UQCRC2: variants seen among roughly 807,000 people sequenced by gnomAD.
UQCRC2 encodes the protein cytochrome b-c1 complex subunit 2, mitochondrial.
UQCRC2 carries 49 observed loss-of-function variants against 55.6 expected under a neutral mutation model. The ratio of observed to expected loss-of-function variants is 0.88; its 90% CI spans 0.70 to 1.12. The LOEUF is 1.12. Ranked by LOEUF, UQCRC2 falls within the 50% of genes most tolerant of loss-of-function variation. The pLI is 0.00. For synonymous variants in UQCRC2, 193 were observed against 192.0 expected (o/e 1.01, Z -0.04); for missense variants, 506 against 547.8 (o/e 0.92, Z 0.76).
At chr16:21,964,969 G>A (rs886904029) in intron 6 of UQCRC2, among the ~76,000 whole-genome samples, 6 of 152,146 alleles carry the variant, frequency 3.9e-5, no homozygotes, top group African/African-American at 1.4e-4. Flanking sequence ...AGCTCCCATT[G>A]GTCCCCTGAA....
chr16:21,957,594 T>C, intron 3 of UQCRC2, 28 bp downstream of exon 3: 4 of 1,609,264 alleles, frequency 2.5e-6, no homozygotes, highest in Non-Finnish European at 3.4e-6. Context: ...CTCAAGTGTT[T>C]GGAAATGCTG....
intron 12 of UQCRC2, among the ~76,000 whole-genome samples, chr16:21,978,187 A>G (rs983668559): frequency 2.0e-5 from 3 of 152,178 alleles, no homozygotes; most frequent in Non-Finnish European, 4.4e-5. Flanking sequence ...CCTGTAGTGA[A>G]AGAGAGAAAG....
At chr16:21,977,008 A>G (rs1424198579) in intron 12 of UQCRC2, 1 of 149,570 alleles carries the variant, frequency 6.7e-6, no homozygotes, top group African/African-American at 2.5e-5. Context: ...GTTAAGAGTT[A>G]TAAACATAAC....
chr16:21,969,781 C>T (rs977572212), intron 8 of UQCRC2, among the ~76,000 whole-genome samples: 2 of 151,996 alleles, frequency 1.3e-5, no homozygotes, highest in Non-Finnish European at 2.9e-5. Flanking sequence ...AGGGTGTGTT[C>T]ATCATCCCCC....
intron 4 of UQCRC2, 31 bp downstream of exon 4, chr16:21,958,630 A>G: frequency 1.3e-6 from 2 of 1,571,376 alleles, no homozygotes; most frequent in Non-Finnish European, 1.7e-6. Context: ...AAAATAGTGA[A>G]AATGCCAGAA....
chr16:21,958,894 T>C lies in UQCRC2; in HGVS notation c.332+295T>C, dbSNP rs377651028. Among the ~76,000 whole-genome samples the C allele has an allele frequency of 4.8e-4, 73 of 152,336 alleles. 1 individual carries two copies. The East Asian group carries it at 0.013, about 27-fold the overall frequency. ...TGCAGCAAAGCAAGTCATAGGAATT[T>C]TGTGGTTTCCCAGTGCATATAAAAG... On this transcript the variant is annotated intron_variant, in intron 4 of 13. Coordinates refer to ENST00000268379, the MANE Select transcript of UQCRC2 (RefSeq NM_003366.4).
At chr16:21,969,128 A>G (rs1245364277) in intron 8 of UQCRC2, among the ~76,000 whole-genome samples, 2 of 152,232 alleles carry the variant, frequency 1.3e-5, no homozygotes, top group African/African-American at 4.8e-5. Flanking sequence ...CAAAATTAAA[A>G]GATGGACTCT....
In UQCRC2 at chr16:21,957,463, A is replaced by C. The variant is rs776376969; in HGVS notation, c.164A>C (p.Tyr55Ser). 8.1e-6 allele frequency: 13 copies of C among 1,614,168 alleles called. No individual in the cohort carries two copies. Among genetic ancestry groups the C allele is most frequent in the Admixed American group, 3.3e-5 (2 of 60,014 alleles). Reference sequence around the variant, plus strand: ...TTGGTGATTGCTTCTTTGGAAAACTATTCTCCTGTATCAAGAATTGGTTTG... The same window carrying C: ...TTGGTGATTGCTTCTTTGGAAAACTCTTCTCCTGTATCAAGAATTGGTTTG... ...NGLVIASLEN[Y>S]SPVSRIGLFI... The change falls in exon 3 of 14, where the codon TAT becomes TCT. Residue 55 changes from tyrosine (Y) to serine (S), a missense_variant. Physicochemically the swap from Tyr to Ser is moderately radical, Grantham distance 144. Transcript: ENST00000268379.
At position 21,965,460 on chromosome 16, in the gene UQCRC2, C is replaced by T. The variant is rs777593291; in HGVS notation, c.567C>T (p.Pro189=). Residue 189 remains proline, a synonymous_variant, in exon 7 of 14, where the codon CCC becomes CCT. Transcript: ENST00000268379. ...AAAYRNALAN[P]LYCPDYRIGK... ...CTTACCGGAATGCCTTGGCTAATCCCTTGTATTGTCCTGACTATAGGATTG... is the reference window on the plus strand; with the variant it reads ...CTTACCGGAATGCCTTGGCTAATCCTTTGTATTGTCCTGACTATAGGATTG... The T allele has an allele frequency of 6.1e-5, 98 of 1,613,710 alleles. No individual in the cohort carries two copies. The highest frequency in any genetic ancestry group is 8.2e-5 in the Non-Finnish European group (97 of 1,179,922).
At position 21,973,725 on chromosome 16, in the gene UQCRC2, G is replaced by A. The variant is rs186735175; in HGVS notation, c.967-171G>A. Among the ~76,000 whole-genome samples the A allele has an allele frequency of 1.3e-5, 2 of 152,350 alleles. 1 individual carries two copies. Among genetic ancestry groups the A allele is most frequent in the Admixed American group, 1.3e-4 (2 of 15,302 alleles). On this transcript the variant is annotated intron_variant, in intron 10 of 13. Transcript: ENST00000268379. ...AAACAAAGCCGTGATAGTTCTGAAA[G>A]AGGTAACCTATTTACAGAATACTTC...
chr16:21,962,563 A>G, intron 5 of UQCRC2, 47 bp downstream of exon 5: 1 of 1,612,566 alleles, frequency 6.2e-7, no homozygotes, highest in Non-Finnish European at 8.5e-7. Context: ...AAGAAATACT[A>G]AGCTGCTCAC....
chr16:21,974,686 T>A (rs1898540245), intron 11 of UQCRC2, among the ~76,000 whole-genome samples: 1 of 152,146 alleles, frequency 6.6e-6, no homozygotes, highest in African/African-American at 2.4e-5. Context: ...GCAAGTTGTT[T>A]TAGGAGAGTT....
chr16:21,958,548 C>T lies in UQCRC2; in HGVS notation c.281C>T (p.Ala94Val). 1.2e-6 allele frequency: 2 copies of T among 1,612,124 alleles called. No homozygotes were observed. The highest frequency in any genetic ancestry group is 1.1e-5 in the South Asian group (1 of 90,448). Residue 94 changes from alanine (A) to valine (V), a missense_variant, in exon 4 of 14, where the codon GCT becomes GTT. Physicochemically the swap from Ala to Val is moderately conservative, Grantham distance 64. Coordinates refer to ENST00000268379, the MANE Select transcript of UQCRC2 (RefSeq NM_003366.4). ...TTCTTTTTCAAGACGACAAAAGGAG[C>T]TTCATCTTTCAAGATAACCCGTGGA... ...RLTSSLTTKG[A>V]SSFKITRGIE...
At chr16:21,982,441 A>G (rs1898755810) in intron 13 of UQCRC2, among the ~76,000 whole-genome samples, 1 of 152,186 alleles carries the variant, frequency 6.6e-6, no homozygotes, top group Non-Finnish European at 1.5e-5. Flanking sequence ...AGGAAAGTAT[A>G]TCCCTGCCTG....
intron 1 of UQCRC2, among the ~76,000 whole-genome samples, chr16:21,956,617 C>T (rs1456006495): frequency 1.3e-5 from 2 of 152,114 alleles, no homozygotes; most frequent in African/African-American, 4.8e-5. Flanking sequence ...TACACAGAAC[C>T]ATGAAACTTT....
At chr16:21,960,187 A>T (rs1045476798) in intron 4 of UQCRC2, among the ~76,000 whole-genome samples, 4 of 152,188 alleles carry the variant, frequency 2.6e-5, no homozygotes, top group African/African-American at 9.6e-5. Context: ...AGCATTGAAA[A>T]TCTGTGGTTT....
chr16:21,980,529 C>A lies in UQCRC2; in HGVS notation c.1125-18C>A. ...TTGCCTTGCTCTCTAAAACTGACTT[C>A]TGCCTTTTATTGGACAGGAACAAGC... On this transcript the variant is annotated intron_variant, in intron 12 of 13. Coordinates refer to ENST00000268379, the MANE Select transcript of UQCRC2 (RefSeq NM_003366.4). The A allele has an allele frequency of 1.2e-6, 2 of 1,607,724 alleles. No homozygotes were observed. The highest frequency in any genetic ancestry group is 1.7e-6 in the Non-Finnish European group (2 of 1,177,932).
At chr16:21,961,670 T>TATATATATATATATATA (rs1567470647) in intron 4 of UQCRC2, among the ~76,000 whole-genome samples, 4 of 48,740 alleles carry the variant, frequency 8.2e-5, no homozygotes, top group Admixed American at 2.5e-4. Context: ...ATATATATAT[T>TATATATATATATATATA]TTAGACAGTC....
At chr16:21,968,588 T>G in intron 7 of UQCRC2, 40 bp from the exon 8 acceptor site, 2 of 1,509,094 alleles carry the variant, frequency 1.3e-6, no homozygotes, top group Non-Finnish European at 1.8e-6. Flanking sequence ...TTTTTATATT[T>G]ATGCTAATAT....
Sources: allele counts gnomAD v4.1 joint callset (sites outside exome capture counted in the v4.1 genomes callset), GRCh38; gene constraint gnomAD v4.1.1; transcripts MANE v1.5; gene names NCBI Gene and HGNC (gene_info 2026-07-23, HGNC 2026-07-21).